Variants in MYO15A observed in about 807,000 individuals in gnomAD.
MYO15A encodes the protein unconventional myosin-XV.
A neutral mutation model predicts 394.6 loss-of-function variants in MYO15A; 308 were observed. That is an observed-to-expected ratio of 0.78 (90% CI 0.71 to 0.86). MYO15A has a LOEUF of 0.86. MYO15A is among the 40% of genes least tolerant of loss of function. MYO15A has a pLI of 0.00. For missense variants in MYO15A, 4,606 were observed against 4,799.1 expected (o/e 0.96, Z 1.19); for synonymous variants, 1,957 against 2,003.8 (o/e 0.98, Z 0.62).
In MYO15A at chr17:18,130,816, C is replaced by CTG. The variant is rs759039332; in HGVS notation, c.4038+6_4038+7insTG. ...GGACGCTCTTGAAGATAAAGGTACT[C>CTG]AGTGTGTGTGTGTGTGTGTGTGTGT... On this transcript the variant is annotated splice_region_variant and intron_variant, in intron 8 of 65. Coordinates refer to ENST00000647165, the MANE Select transcript of MYO15A (RefSeq NM_016239.4). 12 of 1,335,804 alleles carry CTG rather than the reference C, an allele frequency of 9.0e-6. No homozygotes were observed. Among genetic ancestry groups the CTG allele is most frequent in the South Asian group, 8.8e-5 (7 of 79,302 alleles). 82.7% of individuals were successfully genotyped at this position (1,335,804 alleles called of 1,614,324 possible). A position where few individuals can be genotyped will look rare whatever the true frequency, so the allele number is the denominator to read the frequency against.
At position 18,154,026 on chromosome 17, in the gene MYO15A, G is replaced by A. The variant is rs547398535; in HGVS notation, c.8089-105G>A. On this transcript the variant is annotated intron_variant, in intron 43 of 65. Coordinates refer to ENST00000647165, the MANE Select transcript of MYO15A (RefSeq NM_016239.4). Reference sequence around the variant, plus strand: ...AGAAAAAGGCCGGGCTGAAACCAGGGGTGGGGTTACAGCCGGGGCGGAACT... The same window carrying A: ...AGAAAAAGGCCGGGCTGAAACCAGGAGTGGGGTTACAGCCGGGGCGGAACT... 2.1e-4 allele frequency: 335 copies of A among 1,601,256 alleles called. 4 individuals carry two copies. In the South Asian group the frequency reaches 3.5e-3, roughly 17 times the overall value.
rs930105716 is a variant in MYO15A, at chr17:18,117,882, G to A, written c.-219-700G>A. 2.6e-5 allele frequency among the ~76,000 whole-genome samples: 4 copies of A among 152,184 alleles called. No individual in the cohort carries two copies. Among genetic ancestry groups the A allele is most frequent in the Non-Finnish European group, 5.9e-5 (4 of 68,046 alleles). ...TCCAGTTACCCAGCAGCTCCATCAG[G>A]TCTTGCTTCCTTTTGGTGAAGGAGA... On this transcript the variant is annotated intron_variant, in intron 1 of 65. Coordinates refer to ENST00000647165, the MANE Select transcript of MYO15A (RefSeq NM_016239.4). This position sits in a 1 kb window ranked among gnomAD's most constrained non-coding sequence, Gnocchi z 4.1.
rs2142376152 is a variant in MYO15A, at chr17:18,153,702, A to AT, written c.7967-73_7967-72insT. The AT allele has an allele frequency of 3.1e-6, 4 of 1,288,526 alleles. No individual in the cohort carries two copies. The highest frequency in any genetic ancestry group is 3.4e-5 in the East Asian group (1 of 29,410). 79.8% of individuals were successfully genotyped at this position (1,288,526 alleles called of 1,614,324 possible). A position where few individuals can be genotyped will look rare whatever the true frequency, so the allele number is the denominator to read the frequency against. On this transcript the variant is annotated intron_variant, in intron 42 of 65. Transcript: ENST00000647165. This position sits in a 1 kb window ranked among gnomAD's most constrained non-coding sequence, Gnocchi z 4.1. ...GACAACAGCGAAACTCCGTCTCAAA[A>AT]ATATATATATATATTAATTAAATAA... is the stretch of plus-strand genomic sequence containing the variant.
intron 16 of MYO15A, 28 bp from the exon 17 acceptor site, chr17:18,138,087 T>C (rs1182863474): frequency 6.2e-7 from 1 of 1,604,338 alleles, no homozygotes; most frequent in Non-Finnish European, 8.5e-7. Flanking sequence ...GGATGGGAGG[T>C]TGAGCTCCTG....
chr17:18,147,252 A>G lies in MYO15A; in HGVS notation c.6510-777A>G, dbSNP rs2046497854. Among the ~76,000 whole-genome samples the G allele has an allele frequency of 6.6e-6, 1 of 152,222 alleles. No individual in the cohort carries two copies. Among genetic ancestry groups the G allele is most frequent in the South Asian group, 2.1e-4 (1 of 4,834 alleles). ...ACCTAACAGGGTGGCTGTGAGTTAG[A>G]GTATACAGAATCTTGCTTAGGCCAG... On this transcript the variant is annotated intron_variant, in intron 30 of 65. Coordinates refer to ENST00000647165, the MANE Select transcript of MYO15A (RefSeq NM_016239.4). The surrounding 1 kb of genome is among the most constrained non-coding windows in gnomAD (Gnocchi z 4.4).
rs1304992961 is a variant in MYO15A, at chr17:18,119,965, G to A, written c.1165G>A (p.Asp389Asn). The part of the protein sequence containing the change: ...PYAEGVYGGG[D>N]EAIYPPEVPY... ...TGCCGAAGGCGTCTATGGCGGTGGG[G>A]ACGAGGCCATCTACCCCCCCGAGGT... Residue 389 changes from aspartate to asparagine, a missense_variant, in exon 2 of 66, where the codon GAC (aspartate) becomes AAC (asparagine). Around this residue, in one of 2 missense-constraint regions of MYO15A, gnomAD observed 1,830 missense variants for 1,689.7 expected, o/e 1.08. Coordinates refer to ENST00000647165, the MANE Select transcript of MYO15A (RefSeq NM_016239.4). 7 of 1,613,548 alleles carry A rather than the reference G, an allele frequency of 4.3e-6. No individual in the cohort carries two copies. The highest frequency in any genetic ancestry group is 1.3e-5 in the African/African-American group (1 of 74,902).
At position 18,145,905 on chromosome 17, in the gene MYO15A, G is replaced by A. The variant is rs1326228858; in HGVS notation, c.6307G>A (p.Gly2103Ser). The A allele has an allele frequency of 1.2e-6, 2 of 1,613,552 alleles. No individual in the cohort carries two copies. The highest frequency in any genetic ancestry group is 4.5e-5 in the East Asian group (2 of 44,880). ...CTTCATGGGCGACCCCCACCTGCAT[G>A]GTGCCCGGGAGAACATCTTCGGGAA... ...LRFMGDPHLHGARENIFGNYI... is the reference protein window; with the variant it reads ...LRFMGDPHLHSARENIFGNYI... The change falls in exon 30 of 66, where the codon GGT becomes AGT. Residue 2103 changes from glycine to serine, a missense_variant. Gly to Ser is a moderately conservative substitution (Grantham distance 56, BLOSUM62 0). Transcript: ENST00000647165.
rs1466097154 is a variant in MYO15A at position 18,178,913 on chromosome 17, TG to T, written c.*44del. On this transcript the variant is annotated 3_prime_UTR_variant, in exon 66 of 66. Coordinates refer to ENST00000647165, the MANE Select transcript of MYO15A (RefSeq NM_016239.4). ...CAGTACCTTCTGCCAGAAGACTCAC[TG>T]TGTGGCCTCAGAGAAATCACTGAAC... 2 of 1,583,658 alleles carry T rather than the reference TG, an allele frequency of 1.3e-6. No homozygotes were observed. Among genetic ancestry groups the T allele is most frequent in the African/African-American group, 1.3e-5 (1 of 74,530 alleles).
chr17:18,165,268 TA>T (rs2142409785), intron 60 of MYO15A, among the ~76,000 whole-genome samples: 1 of 152,256 alleles, frequency 6.6e-6, no homozygotes, highest in South Asian at 2.1e-4. Flanking sequence ...TTTAGTGGCT[TA>T]AAAAAACATA....
In MYO15A at chr17:18,132,656, A is replaced by G. The variant is rs2046189777; in HGVS notation, c.4320+90A>G. 3 of 1,042,010 alleles carry G rather than the reference A, an allele frequency of 2.9e-6. No individual in the cohort carries two copies. The highest frequency in any genetic ancestry group is 4.4e-6 in the Non-Finnish European group (3 of 680,304). 64.5% of individuals were successfully genotyped at this position (1,042,010 alleles called of 1,614,324 possible). A position where few individuals can be genotyped will look rare whatever the true frequency, so the allele number is the denominator to read the frequency against. The stretch of plus-strand genomic sequence containing the variant: ...GGCCTTGGGAGCCGAGTTGTGAGTG[A>G]TGGAGTGTGAAGGTGAAGGAGATTT... On this transcript the variant is annotated intron_variant, in intron 11 of 65. Transcript: ENST00000647165. The surrounding 1 kb of genome is among the most constrained non-coding windows in gnomAD (Gnocchi z 4.6).
intron 65 of MYO15A, among the ~76,000 whole-genome samples, chr17:18,175,029 A>G (rs959610734): frequency 6.6e-6 from 1 of 150,480 alleles, no homozygotes; most frequent in African/African-American, 2.4e-5. Flanking sequence ...CCTCCTTCCC[A>G]GAGGCCACCT....
At chr17:18,124,731 C>A in intron 3 of MYO15A, 166 bp downstream of exon 3, 2 of 695,988 alleles carry the variant, frequency 2.9e-6, no homozygotes, top group Non-Finnish European at 4.8e-6. Context: ...GTGAGTTAGA[C>A]GGACTTTGGT....
Position 18,122,111 on chromosome 17 carries a change from G to A in MYO15A, c.3311G>A (p.Gly1104Asp). The change falls in exon 2 of 66, where the codon GGT becomes GAT. Residue 1104 changes from glycine to aspartate, a missense_variant. Transcript: ENST00000647165. Reference sequence around the variant, plus strand: ...GCCCCAGAGCCCCTGCCCAAGGGGGGTGAACGGCGCCAGGCAGCCCCTGGG... The same window carrying A: ...GCCCCAGAGCCCCTGCCCAAGGGGGATGAACGGCGCCAGGCAGCCCCTGGG... ...IRAPEPLPKG[G>D]ERRQAAPGRF... The A allele has an allele frequency of 6.2e-7, 1 of 1,612,930 alleles. No individual in the cohort carries two copies. Among genetic ancestry groups the A allele is most frequent in the South Asian group, 1.1e-5 (1 of 91,084 alleles).
Position 18,162,571 on chromosome 17 carries a change from C to T in MYO15A, c.9518-14C>T, listed in dbSNP as rs758704357. On this transcript the variant is annotated splice_polypyrimidine_tract_variant and intron_variant, in intron 57 of 65. Coordinates refer to ENST00000647165, the MANE Select transcript of MYO15A (RefSeq NM_016239.4). ...GTCCACCTTGGGCGAGGCCTGAACT[C>T]CCTGCTTCTGCAGGGATCGCCAAGG... 3 of 1,613,328 alleles carry T rather than the reference C, an allele frequency of 1.9e-6. No individual in the cohort carries two copies. The highest frequency in any genetic ancestry group is 2.5e-6 in the Non-Finnish European group (3 of 1,179,696).
chr17:18,174,965 G>C (rs2046993605), intron 65 of MYO15A, among the ~76,000 whole-genome samples: 1 of 152,070 alleles, frequency 6.6e-6, no homozygotes. Context: ...TTGGGTCTAG[G>C]GTCCTAATGC....
At chr17:18,146,649 A>T (rs1213767766) in intron 30 of MYO15A, among the ~76,000 whole-genome samples, 2 of 152,204 alleles carry the variant, frequency 1.3e-5, no homozygotes, top group Non-Finnish European at 2.9e-5. Flanking sequence ...ACAAGACCAG[A>T]CGCAGTGGCT....
rs376432083 is a variant in MYO15A at position 18,171,709 on chromosome 17, T to C, written c.10154T>C (p.Val3385Ala). The C allele has an allele frequency of 2.2e-5, 36 of 1,612,824 alleles. No individual in the cohort carries two copies. In the African/African-American group the frequency reaches 4.5e-4, roughly 20 times the overall value. Residue 3385 changes from valine (V) to alanine (A), a missense_variant, in exon 63 of 66, where the codon GTC becomes GCC. By Grantham distance (64) the Val-to-Ala change is moderately conservative (BLOSUM62 0). Coordinates refer to ENST00000647165, the MANE Select transcript of MYO15A (RefSeq NM_016239.4). ...GCAGGCTCGACCTGGCTCAACCTGG[T>C]CAGCCAGCACCGGCAGCAGACACAG... ...TTAGSTWLNL[V>A]SQHRQQTQAL...
At position 18,167,640 on chromosome 17, in the gene MYO15A, GC is replaced by G; in HGVS notation, c.10002del (p.Ser3335AlafsTer118). Reference sequence around the variant, plus strand: ...TCTTCAGCAGTGTGCCGGCCAGCCGGCCCAGCGAGCAGCTGCTGCAGCAGGT... The same window carrying G: ...TCTTCAGCAGTGTGCCGGCCAGCCGGCCAGCGAGCAGCTGCTGCAGCAGGT... ...GLFSSVPASRPSEQLLQQVSK... is the reference protein window; with the variant it reads ...GLFSSVPASRXSEQLLQQVSK... On this transcript the variant is annotated frameshift_variant, in exon 62 of 66. Coordinates refer to ENST00000647165, the MANE Select transcript of MYO15A (RefSeq NM_016239.4). LOFTEE classifies it high-confidence loss of function. 1 of 1,604,036 alleles carries G rather than the reference GC, an allele frequency of 6.2e-7. No homozygotes were observed. The highest frequency in any genetic ancestry group is 8.5e-7 in the Non-Finnish European group (1 of 1,179,956).
Position 18,120,277 on chromosome 17 carries a change from C to T in MYO15A, c.1477C>T (p.Leu493=). The change falls in exon 2 of 66, where the codon CTG becomes TTG. Residue 493 remains leucine, a synonymous_variant. Transcript: ENST00000647165. ...PQVKLFGKEK[L]EVPLPPSLDI... is the part of the protein sequence containing the mutation. ...GGTGAAGCTGTTTGGGAAGGAGAAG[C>T]TGGAGGTGCCCCTGCCACCCTCTCT... 3.1e-6 allele frequency: 5 copies of T among 1,611,896 alleles called. No individual in the cohort carries two copies. Among genetic ancestry groups the T allele is most frequent in the Non-Finnish European group, 4.2e-6 (5 of 1,179,754 alleles).
Sources: gnomAD v4.1 joint callset for allele counts (sites outside exome capture counted in the v4.1 genomes callset) on GRCh38, gnomAD v4.1.1 for gene constraint, gnomAD v4.1.1 regional missense constraint, Gnocchi (gnomAD v3.1) non-coding constraint, MANE v1.5 for transcripts, NCBI Gene and HGNC (gene_info 2026-07-23, HGNC 2026-07-21) for gene names.